USP10: variants seen among roughly 807,000 people sequenced by gnomAD.
USP10 encodes the protein ubiquitin carboxyl-terminal hydrolase 10.
USP10 carries 22 observed loss-of-function variants against 84.5 expected under a neutral mutation model. That is an observed-to-expected ratio of 0.26 (90% CI 0.19 to 0.37). The LOEUF (loss-of-function observed/expected upper bound fraction) is 0.37. Ranked by LOEUF, USP10 falls within the 10% of genes least tolerant of loss-of-function variation. USP10 has a pLI of 1.00. For synonymous variants in USP10, 454 were observed against 387.6 expected (o/e 1.17, Z -2.01); for missense variants, 1,019 against 998.9 (o/e 1.02, Z -0.27).
chr16:84,749,532 G>C (rs760265379), intron 4 of USP10, among the ~76,000 whole-genome samples: 16 of 151,950 alleles, frequency 1.1e-4, no homozygotes, highest in South Asian at 2.1e-4. Context: ...TTGAGCCCGG[G>C]AGTTCGAGGC....
At chr16:84,740,266 A>T (rs1567617744) in intron 2 of USP10, 43 bp from the exon 3 acceptor site, 1 of 1,578,282 alleles carries the variant, frequency 6.3e-7, no homozygotes, top group Non-Finnish European at 8.7e-7. Flanking sequence ...GTTGGTTTTA[A>T]CATTTTGTTG....
intron 11 of USP10, 106 bp from the exon 12 acceptor site, chr16:84,772,435 C>G (rs1233618691): frequency 6.6e-7 from 1 of 1,516,902 alleles, no homozygotes; most frequent in Non-Finnish European, 9.0e-7. Flanking sequence ...CCACAGGACT[C>G]TTGGGCCTCA....
Position 84,778,990 on chromosome 16 carries a change from A to G in USP10, c.2305A>G (p.Thr769Ala). Residue 769 changes from threonine (T) to alanine (A), a missense_variant, in exon 14 of 14, where the codon ACA becomes GCA. Coordinates refer to ENST00000219473, the MANE Select transcript of USP10 (RefSeq NM_005153.3). The part of the protein sequence containing the change: ...LNGWLRIDDQ[T>A]VKVINQYQVV... The stretch of plus-strand genomic sequence containing the variant: ...TGGCTGGCTGCGCATCGATGACCAG[A>G]CAGTCAAGGTGATCAACCAGTACCA... 5 of 1,614,012 alleles carry G rather than the reference A, an allele frequency of 3.1e-6. No homozygotes were observed. Among genetic ancestry groups the G allele is most frequent in the Non-Finnish European group, 4.2e-6 (5 of 1,179,894 alleles).
intron 4 of USP10, among the ~76,000 whole-genome samples, chr16:84,749,844 C>T (rs984762704): frequency 1.3e-5 from 2 of 152,130 alleles, no homozygotes; most frequent in Non-Finnish European, 2.9e-5. Context: ...CTTGGACCTT[C>T]TTGGTGGCAA....
At chr16:84,739,492 A>G (rs993317064) in intron 2 of USP10, among the ~76,000 whole-genome samples, 2 of 151,878 alleles carry the variant, frequency 1.3e-5, no homozygotes, top group Admixed American at 6.6e-5. Flanking sequence ...AGACTGGTCT[A>G]GAACTCCTGA....
chr16:84,718,308 C>A (rs1180431680), intron 1 of USP10, among the ~76,000 whole-genome samples: 1 of 152,158 alleles, frequency 6.6e-6, no homozygotes, highest in Non-Finnish European at 1.5e-5. Context: ...AGATAGAGTG[C>A]AGTGGTGCAA....
intron 1 of USP10, among the ~76,000 whole-genome samples, chr16:84,732,175 C>G (rs891415109): frequency 1.1e-4 from 17 of 152,114 alleles, no homozygotes; most frequent in African/African-American, 4.1e-4. Context: ...GCCATTTATT[C>G]ACATTTACAA....
intron 8 of USP10, among the ~76,000 whole-genome samples, 186 bp from the exon 9 acceptor site, chr16:84,762,803 C>G (rs1042016157): frequency 2.0e-5 from 3 of 152,200 alleles, no homozygotes; most frequent in Non-Finnish European, 2.9e-5. Flanking sequence ...GTCAGTTTCT[C>G]CTTTTCCTCC....
At chr16:84,700,172 CGGCG>C in intron 1 of USP10, 61 bp downstream of exon 1, 1 of 1,183,562 alleles carries the variant, frequency 8.4e-7, no homozygotes, top group Non-Finnish European at 1.1e-6. Context: ...GCGGACGCCG[CGGCG>C]GGCGGGCGTC....
intron 5 of USP10, 80 bp from the exon 6 acceptor site, chr16:84,759,283 C>A: frequency 7.5e-7 from 1 of 1,331,572 alleles, no homozygotes; most frequent in Non-Finnish European, 1.1e-6. Flanking sequence ...TTTTTATAAA[C>A]ATTCTTGTGC....
intron 4 of USP10, among the ~76,000 whole-genome samples, chr16:84,752,377 G>A (rs1317957387): frequency 6.6e-6 from 1 of 152,170 alleles, no homozygotes; most frequent in East Asian, 1.9e-4. Context: ...CTTAAAGAAG[G>A]TAAAATAGAT....
At chr16:84,732,183 C>T (rs1354957359) in intron 1 of USP10, among the ~76,000 whole-genome samples, 1 of 152,166 alleles carries the variant, frequency 6.6e-6, no homozygotes, top group Non-Finnish European at 1.5e-5. Flanking sequence ...TTCACATTTA[C>T]AATAATAATG....
At position 84,774,711 on chromosome 16, in the gene USP10, C is replaced by T. The variant is rs187397885; in HGVS notation, c.2144-449C>T. Among the ~76,000 whole-genome samples the T allele has an allele frequency of 6.5e-3, 988 of 152,208 alleles. 11 individuals carry two copies. Among genetic ancestry groups the T allele is most frequent in the Non-Finnish European group, 6.4e-3 (433 of 67,998 alleles). On this transcript the variant is annotated intron_variant, in intron 12 of 13. Coordinates refer to ENST00000219473, the MANE Select transcript of USP10 (RefSeq NM_005153.3). ...GGTCTCGATCTCCTGACCTCGTGATCGCCCGTCTCAGCCTCCCAAAGTGCT... is the reference window on the plus strand; with the variant it reads ...GGTCTCGATCTCCTGACCTCGTGATTGCCCGTCTCAGCCTCCCAAAGTGCT...
chr16:84,702,370 A>C (rs1904997747), intron 1 of USP10, among the ~76,000 whole-genome samples: 1 of 151,974 alleles, frequency 6.6e-6, no homozygotes, highest in Non-Finnish European at 1.5e-5. Context: ...GATTTCTCAT[A>C]ATTTTCATTT....
At chr16:84,754,100 C>A (rs970266246) in intron 4 of USP10, among the ~76,000 whole-genome samples, 1 of 152,052 alleles carries the variant, frequency 6.6e-6, no homozygotes, top group Non-Finnish European at 1.5e-5. Flanking sequence ...TTTAAGGAGC[C>A]TCCTGTCCAG....
chr16:84,726,258 C>T (rs991674322), intron 1 of USP10, among the ~76,000 whole-genome samples: 8 of 152,222 alleles, frequency 5.3e-5, no homozygotes, highest in African/African-American at 1.9e-4. Flanking sequence ...CTCCTGAAGC[C>T]GAAAGTGGCG....
chr16:84,718,448 T>A (rs1567596635), intron 1 of USP10, among the ~76,000 whole-genome samples: 1 of 152,208 alleles, frequency 6.6e-6, no homozygotes, highest in South Asian at 2.1e-4. Flanking sequence ...ATATTACTTC[T>A]AATTTAGTTG....
intron 1 of USP10, among the ~76,000 whole-genome samples, chr16:84,727,459 A>AAAACAAAC (rs138251432): frequency 2.0e-5 from 3 of 148,446 alleles, no homozygotes; most frequent in South Asian, 2.1e-4. Context: ...TAGCTTTAAA[A>AAAACAAAC]AAACAAACAA....
At chr16:84,704,979 A>C in intron 1 of USP10, 2 of 1,409,784 alleles carry the variant, frequency 1.4e-6, no homozygotes, top group Non-Finnish European at 1.9e-6. Context: ...CGGGCCCAGC[A>C]CCTGCTACCG....
Sources: gnomAD v4.1 joint callset for allele counts (sites outside exome capture counted in the v4.1 genomes callset) on GRCh38, gnomAD v4.1.1 for gene constraint, MANE v1.5 for transcripts, NCBI Gene and HGNC (gene_info 2026-07-23, HGNC 2026-07-21) for gene names.